LMLN: variants seen among roughly 807,000 people sequenced by gnomAD.
LMLN encodes the protein leishmanolysin-like peptidase.
Under a neutral mutation model 92.3 loss-of-function variants are expected in LMLN, and 70 were observed. The ratio of observed to expected loss-of-function variants is 0.76; its 90% CI spans 0.63 to 0.92. The LOEUF is 0.92. Ranked by LOEUF, LMLN falls within the 40% of genes least tolerant of loss-of-function variation. The pLI is 0.00. For synonymous variants in LMLN, 308 were observed against 296.2 expected (o/e 1.04, Z -0.41); for missense variants, 691 against 814.6 (o/e 0.85, Z 1.85).
chr3:197,979,016 C>CTAAA (rs1204289971), intron 5 of LMLN, among the ~76,000 whole-genome samples: 3 of 152,064 alleles, frequency 2.0e-5, no homozygotes, highest in African/African-American at 4.8e-5. Context: ...CTAAACTAAA[C>CTAAA]TAAATAAATA....
Position 198,021,442 on chromosome 3 carries a change from G to A in LMLN, c.1366-4G>A, listed in dbSNP as rs1722780024. On this transcript the variant is annotated splice_polypyrimidine_tract_variant and splice_region_variant and intron_variant, in intron 12 of 15. Coordinates refer to ENST00000330198, the Ensembl canonical transcript of LMLN. Reference sequence around the variant, plus strand: ...TTCTTGTCTTCCCAATATTTTTTCTGCAGTACTTTGATGAACTCAGTGGAA... The same window carrying A: ...TTCTTGTCTTCCCAATATTTTTTCTACAGTACTTTGATGAACTCAGTGGAA... 2.5e-6 allele frequency: 4 copies of A among 1,611,612 alleles called. No individual in the cohort carries two copies. Among genetic ancestry groups the A allele is most frequent in the Non-Finnish European group, 3.4e-6 (4 of 1,179,166 alleles).
intron 5 of LMLN, among the ~76,000 whole-genome samples, chr3:197,977,328 A>G (rs1268453356): frequency 2.0e-5 from 3 of 152,262 alleles, no homozygotes; most frequent in Non-Finnish European, 4.4e-5. Context: ...AAAGTATAGA[A>G]ACACAGACAA....
intron 13 of LMLN, among the ~76,000 whole-genome samples, chr3:198,023,861 C>T (rs146230083): frequency 2.0e-5 from 3 of 152,266 alleles, no homozygotes; most frequent in Non-Finnish European, 4.4e-5. Context: ...ATGCGAAAAC[C>T]GCAATTACTT....
intron 11 of LMLN, among the ~76,000 whole-genome samples, chr3:198,003,444 A>G (rs1442208728): frequency 6.6e-6 from 1 of 152,174 alleles, no homozygotes; most frequent in Non-Finnish European, 1.5e-5. Context: ...TCTTCAGAGA[A>G]TGCACCTGTA....
intron 14 of LMLN, among the ~76,000 whole-genome samples, chr3:198,027,637 A>G (rs1159057228): frequency 1.3e-5 from 2 of 151,984 alleles, no homozygotes; most frequent in African/African-American, 2.4e-5. Flanking sequence ...GACTCCTTTT[A>G]CTTAGCGTGG....
At chr3:198,037,148 C>G (rs761490273) in intron 15 of LMLN, among the ~76,000 whole-genome samples, 2 of 152,198 alleles carry the variant, frequency 1.3e-5, no homozygotes, top group Non-Finnish European at 2.9e-5. Flanking sequence ...AGCTGCTCAT[C>G]ATAGTACTCA....
At chr3:197,998,455 C>T (rs1433264587) in intron 10 of LMLN, among the ~76,000 whole-genome samples, 7 of 152,138 alleles carry the variant, frequency 4.6e-5, no homozygotes, top group Non-Finnish European at 8.8e-5. Context: ...AAGTGACTCC[C>T]TTTAGAAAGC....
At chr3:198,022,723 G>A (rs951446147) in intron 13 of LMLN, among the ~76,000 whole-genome samples, 1 of 152,180 alleles carries the variant, frequency 6.6e-6, no homozygotes, top group Non-Finnish European at 1.5e-5. Flanking sequence ...AGGTGTGATG[G>A]TGCACACCTG....
At chr3:198,029,061 G>T (rs1465707812) in intron 14 of LMLN, among the ~76,000 whole-genome samples, 1 of 152,144 alleles carries the variant, frequency 6.6e-6, no homozygotes, top group Non-Finnish European at 1.5e-5. Context: ...TCTCAACAAC[G>T]CTGCATTTCG....
intron 1 of LMLN, among the ~76,000 whole-genome samples, chr3:197,966,048 T>C (rs1171235576): frequency 6.6e-6 from 1 of 152,206 alleles, no homozygotes; most frequent in African/African-American, 2.4e-5. Flanking sequence ...GTTTATTGCA[T>C]GTTTTTATTT....
chr3:197,992,036 A>G (rs1407751278), intron 9 of LMLN, among the ~76,000 whole-genome samples: 1 of 139,456 alleles, frequency 7.2e-6, no homozygotes, highest in Non-Finnish European at 1.5e-5. Flanking sequence ...TAATTTTTGT[A>G]TTTTTAGTAG....
chr3:198,021,242 C>T (rs1259756933), intron 12 of LMLN, among the ~76,000 whole-genome samples: 1 of 152,110 alleles, frequency 6.6e-6, no homozygotes, highest in Non-Finnish European at 1.5e-5. Flanking sequence ...ACTTACCTTG[C>T]TTATTTGTAA....
chr3:198,012,944 T>C (rs141116153), intron 11 of LMLN, among the ~76,000 whole-genome samples: 1 of 112,986 alleles, frequency 8.9e-6, no homozygotes, highest in East Asian at 2.4e-4. Context: ...GACTTCTCTG[T>C]ACCCTTCAGA....
At chr3:198,017,135 A>C (rs1404968175) in intron 11 of LMLN, among the ~76,000 whole-genome samples, 1 of 152,132 alleles carries the variant, frequency 6.6e-6, no homozygotes, top group Non-Finnish European at 1.5e-5. Context: ...AAAATCGACA[A>C]GGAAAAAAAA....
In LMLN at chr3:198,021,732, A is replaced by T. The variant is rs543583481; in HGVS notation, c.1525+127A>T. On this transcript the variant is annotated intron_variant, in intron 13 of 15. Transcript: ENST00000330198. ...GAATTTGCTTTATAGTTCAGCTGCTATCCATATGTAAGAAGTGACTTAACT... is the reference window on the plus strand; with the variant it reads ...GAATTTGCTTTATAGTTCAGCTGCTTTCCATATGTAAGAAGTGACTTAACT... 4.9e-5 allele frequency: 35 copies of T among 713,344 alleles called. 1 individual carries two copies. Among genetic ancestry groups the T allele is most frequent in the South Asian group, 4.0e-4 (18 of 44,962 alleles). The allele number at this position is 713,344 out of a possible 1,614,324, so 44.2% of individuals were successfully genotyped here.
intron 1 of LMLN, among the ~76,000 whole-genome samples, chr3:197,973,712 C>T (rs1209703246): frequency 1.3e-5 from 2 of 152,122 alleles, no homozygotes; most frequent in Admixed American, 6.5e-5. Context: ...ATAGATCAAA[C>T]GTAGTTTTCT....
exon 16 of LMLN, chr3:198,043,683 C>G (rs1723475057): frequency 6.6e-6 from 1 of 152,304 alleles, no homozygotes; most frequent in African/African-American, 2.4e-5. Flanking sequence ...GTGATATATT[C>G]CTTAGAAAAA....
chr3:197,990,719 T>C (rs778211090), intron 9 of LMLN, 43 bp downstream of exon 9: 1 of 944,712 alleles, frequency 1.1e-6, no homozygotes, highest in Non-Finnish European at 1.7e-6. Flanking sequence ...CATCTGTTCT[T>C]TTCCTTTACT....
At chr3:197,961,715 C>G (rs1245801392) in intron 1 of LMLN, among the ~76,000 whole-genome samples, 3 of 152,134 alleles carry the variant, frequency 2.0e-5, no homozygotes, top group African/African-American at 7.2e-5. Context: ...ACTGTAGTTA[C>G]GCTAATGACT....
Sources: allele counts gnomAD v4.1 joint callset (sites outside exome capture counted in the v4.1 genomes callset), GRCh38; gene constraint gnomAD v4.1.1; transcripts MANE v1.5; gene names NCBI Gene and HGNC (gene_info 2026-07-23, HGNC 2026-07-21).